Variants in EPM2A observed in about 807,000 individuals in gnomAD.
EPM2A encodes the protein laforin.
EPM2A carries 21 observed loss-of-function variants against 26.5 expected under a neutral mutation model. The ratio of observed to expected loss-of-function variants is 0.79; its 90% CI spans 0.56 to 1.14. The LOEUF is 1.14. Ranked by LOEUF, EPM2A falls within the 50% of genes most tolerant of loss-of-function variation. EPM2A has a pLI of 0.00. For synonymous variants in EPM2A, 217 were observed against 177.6 expected, an observed-to-expected ratio of 1.22 and a Z score of -1.76; for missense variants, 458 against 440.8, an observed-to-expected ratio of 1.04 and a Z score of -0.35.
intron 4 of EPM2A, among the ~76,000 whole-genome samples, chr6:145,399,515 C>A (rs191522094): frequency 2.2e-4 from 33 of 152,250 alleles, no homozygotes; most frequent in Admixed American, 1.1e-3. Flanking sequence ...GTAGTAGTTC[C>A]TGGTTATGGG....
At chr6:145,492,752 G>A (rs1053268651) in intron 4 of EPM2A, among the ~76,000 whole-genome samples, 1 of 152,168 alleles carries the variant, frequency 6.6e-6, no homozygotes, top group African/African-American at 2.4e-5. Context: ...AAGTCAAGCC[G>A]CTTCTCTCTG....
At chr6:145,672,596 C>T (rs865939620) in intron 2 of EPM2A, among the ~76,000 whole-genome samples, 4 of 152,236 alleles carry the variant, frequency 2.6e-5, no homozygotes, top group Non-Finnish European at 4.4e-5. Flanking sequence ...CACTTTTACA[C>T]TCTCCTCAGC....
intron 4 of EPM2A, among the ~76,000 whole-genome samples, chr6:145,452,917 T>C (rs994945251): frequency 2.0e-5 from 3 of 152,202 alleles, no homozygotes. Context: ...CAAATCAAAC[T>C]ACTTATGTGA....
chr6:145,616,059 A>C (rs1213485523), intron 2 of EPM2A, among the ~76,000 whole-genome samples: 3 of 152,250 alleles, frequency 2.0e-5, no homozygotes, highest in African/African-American at 7.2e-5. Context: ...TGAATACCCA[A>C]GACAATGGGG....
intron 1 of EPM2A, among the ~76,000 whole-genome samples, chr6:145,707,182 GACACT>G (rs1782270570): frequency 6.6e-6 from 1 of 152,330 alleles, no homozygotes; most frequent in African/African-American, 2.4e-5. Context: ...AAAAGGCTAA[GACACT>G]ACTTCTGATT....
intron 4 of EPM2A, among the ~76,000 whole-genome samples, chr6:145,470,179 A>G (rs1172324340): frequency 6.6e-6 from 1 of 152,136 alleles, no homozygotes; most frequent in Non-Finnish European, 1.5e-5. Flanking sequence ...GCATATTGGA[A>G]TGTTTGTAAC....
intron 2 of EPM2A, among the ~76,000 whole-genome samples, chr6:145,547,152 T>C (rs1038534334): frequency 3.3e-5 from 5 of 152,126 alleles, no homozygotes; most frequent in African/African-American, 1.2e-4. Flanking sequence ...ATCAACTTTC[T>C]ATCAAAATTC....
chr6:145,680,276 A>G (rs1562481501), intron 2 of EPM2A: 1 of 151,958 alleles, frequency 6.6e-6, no homozygotes, highest in Non-Finnish European at 1.5e-5. Context: ...CTAAAAATCA[A>G]AAACTAAAAT....
At chr6:145,485,305 C>T (rs1425014750) in intron 4 of EPM2A, among the ~76,000 whole-genome samples, 1 of 151,998 alleles carries the variant, frequency 6.6e-6, no homozygotes, top group Non-Finnish European at 1.5e-5. Context: ...ACATCAAATG[C>T]CACTGAGATA....
intron 2 of EPM2A, among the ~76,000 whole-genome samples, chr6:145,598,890 A>C (rs1167072688): frequency 2.6e-5 from 4 of 152,186 alleles, no homozygotes; most frequent in Admixed American, 6.5e-5. Flanking sequence ...TGTTTTTATC[A>C]GCTTTGCTGA....
chr6:145,490,452 T>C, intron 4 of EPM2A: 1 of 732,564 alleles, frequency 1.4e-6, no homozygotes, highest in East Asian at 2.6e-5. Flanking sequence ...ATTCAAAAGG[T>C]TTTTCACCTG....
chr6:145,718,310 C>T (rs1451224518), intron 1 of EPM2A, among the ~76,000 whole-genome samples: 5 of 145,458 alleles, frequency 3.4e-5, no homozygotes, highest in Admixed American at 7.0e-5. Context: ...TCAGAAATAA[C>T]GCCACATATC....
chr6:145,500,488 C>T (rs1159365698), downstream of EPM2A, among the ~76,000 whole-genome samples: 1 of 152,184 alleles, frequency 6.6e-6, no homozygotes, highest in Non-Finnish European at 1.5e-5. Flanking sequence ...TGGAACAGAG[C>T]TGTCCACCAG....
intron 2 of EPM2A, among the ~76,000 whole-genome samples, chr6:145,512,295 C>T (rs190865359): frequency 5.9e-5 from 9 of 152,112 alleles, no homozygotes; most frequent in East Asian, 1.9e-4. Flanking sequence ...TGCCAAAGTA[C>T]GCCTAAGCAT....
chr6:145,621,461 G>A (rs1775631614), downstream of EPM2A, among the ~76,000 whole-genome samples: 1 of 152,180 alleles, frequency 6.6e-6, no homozygotes, highest in African/African-American at 2.4e-5. Flanking sequence ...ACCCAGAAGT[G>A]AGACTGCTGA....
intron 2 of EPM2A, among the ~76,000 whole-genome samples, chr6:145,557,860 A>G (rs1780751163): frequency 6.6e-6 from 1 of 152,056 alleles, no homozygotes; most frequent in South Asian, 2.1e-4. Flanking sequence ...AAAATTTTGT[A>G]TCCTTTGACC....
chr6:145,491,625 G>T (rs111915025), intron 4 of EPM2A: 3 of 360,740 alleles, frequency 8.3e-6, no homozygotes, highest in Non-Finnish European at 1.6e-5. Context: ...AATGACATTC[G>T]AGTGGGAAAA....
At chr6:145,591,067 T>TA (rs1295011814) in intron 2 of EPM2A, among the ~76,000 whole-genome samples, 2 of 152,014 alleles carry the variant, frequency 1.3e-5, no homozygotes, top group East Asian at 3.9e-4. Flanking sequence ...ATGCTGGAAG[T>TA]AAAAAACACT....
intron 2 of EPM2A, among the ~76,000 whole-genome samples, chr6:145,553,212 G>A (rs1341393462): frequency 2.0e-5 from 3 of 152,068 alleles, no homozygotes; most frequent in African/African-American, 7.2e-5. Flanking sequence ...CTTCCACCAT[G>A]ATTGTAAGTT....
Sources: gnomAD v4.1 joint callset for allele counts (sites outside exome capture counted in the v4.1 genomes callset) on GRCh38, gnomAD v4.1.1 for gene constraint, MANE v1.5 for transcripts, NCBI Gene and HGNC (gene_info 2026-07-23, HGNC 2026-07-21) for gene names.